Variants in USP34 observed in about 807,000 individuals in gnomAD.
The protein encoded by USP34 is ubiquitin carboxyl-terminal hydrolase 34.
USP34 carries 70 observed loss-of-function variants against 460.3 expected under a neutral mutation model. That is an observed-to-expected ratio of 0.15 (90% CI 0.13 to 0.19). USP34 has a LOEUF of 0.19. USP34 is among the 10% of genes least tolerant of loss of function. The pLI, the probability that USP34 is intolerant of heterozygous loss-of-function variation, is 1.00. For synonymous variants in USP34, 1,647 were observed against 1,405.3 expected (o/e 1.17, Z -3.85); for missense variants, 3,985 against 4,236.2 (o/e 0.94, Z 1.65).
At chr2:61,212,072 A>C in intron 68 of USP34, 143 bp from the exon 69 acceptor site, 1 of 1,151,502 alleles carries the variant, frequency 8.7e-7, no homozygotes, top group East Asian at 3.1e-5. Flanking sequence ...TTATAAAATC[A>C]GTAACAAATT....
chr2:61,375,088 T>C (rs1692752118), intron 8 of USP34, among the ~76,000 whole-genome samples: 1 of 151,996 alleles, frequency 6.6e-6, no homozygotes, highest in Admixed American at 6.6e-5. Context: ...AAGAATCCAA[T>C]TAAAAACTGG....
At chr2:61,325,313 G>T in intron 21 of USP34, 62 bp downstream of exon 21, 45 of 1,074,840 alleles carry the variant, frequency 4.2e-5, no homozygotes, top group Non-Finnish European at 5.9e-5. Flanking sequence ...AGAAGCAAAA[G>T]TAAATTTAGT....
chr2:61,469,250 A>G (rs937991906), intron 1 of USP34, among the ~76,000 whole-genome samples: 1 of 152,180 alleles, frequency 6.6e-6, no homozygotes, highest in African/African-American at 2.4e-5. Flanking sequence ...AAAATTAAGT[A>G]CTTGTTCCTC....
At chr2:61,395,348 T>G (rs1007390933) in intron 3 of USP34, 115 bp from the exon 4 acceptor site, 1 of 689,004 alleles carries the variant, frequency 1.5e-6, no homozygotes, top group African/African-American at 1.8e-5. Context: ...ATTTTGCAAT[T>G]ACTCCTGATA....
At chr2:61,295,357 A>G (rs1689992699) in intron 30 of USP34, 67 bp from the exon 31 acceptor site, 7 of 1,485,470 alleles carry the variant, frequency 4.7e-6, no homozygotes, top group Non-Finnish European at 6.3e-6. Context: ...AAAACTTTAA[A>G]CAAACTGACA....
intron 34 of USP34, among the ~76,000 whole-genome samples, chr2:61,286,845 C>T (rs148342140): frequency 2.6e-5 from 4 of 152,058 alleles, no homozygotes; most frequent in African/African-American, 4.8e-5. Context: ...CATAAACGTG[C>T]GTATTTTACA....
intron 19 of USP34, among the ~76,000 whole-genome samples, chr2:61,331,876 C>T (rs1188940405): frequency 6.6e-6 from 1 of 151,912 alleles, no homozygotes; most frequent in Non-Finnish European, 1.5e-5. Context: ...CATATACATT[C>T]AGAGATCCCA....
At chr2:61,468,585 G>C (rs140069885) in intron 1 of USP34, among the ~76,000 whole-genome samples, 8 of 152,308 alleles carry the variant, frequency 5.3e-5, no homozygotes, top group Non-Finnish European at 7.4e-5. Context: ...AGTATTTTTA[G>C]AGTCCACTGG....
chr2:61,212,414 A>T (rs1687295446), intron 68 of USP34, among the ~76,000 whole-genome samples: 1 of 152,220 alleles, frequency 6.6e-6, no homozygotes, highest in Non-Finnish European at 1.5e-5. Context: ...AATTAATGAG[A>T]AATCATTACT....
At chr2:61,236,296 A>T in intron 54 of USP34, 29 bp downstream of exon 54, 1 of 1,593,434 alleles carries the variant, frequency 6.3e-7, no homozygotes, top group South Asian at 1.1e-5. Context: ...AATGTGTAAA[A>T]TATCTACTAT....
intron 21 of USP34, among the ~76,000 whole-genome samples, chr2:61,320,682 T>C (rs536756994): frequency 2.0e-5 from 3 of 151,592 alleles, no homozygotes; most frequent in Admixed American, 6.6e-5. Flanking sequence ...CTGGGCAATA[T>C]AGGAAGACAT....
Position 61,395,217 on chromosome 2 carries a change from T to C in USP34, c.569A>G (p.Glu190Gly). 6.7e-7 allele frequency: 1 copy of C among 1,495,770 alleles called. No individual in the cohort carries two copies. The highest frequency in any genetic ancestry group is 1.2e-5 in the South Asian group (1 of 82,994). The allele number at this position is 1,495,770 out of a possible 1,614,324, so 92.7% of individuals were successfully genotyped here. A position where few individuals can be genotyped will look rare whatever the true frequency, so the allele number is the denominator to read the frequency against. Reference protein sequence around the residue: ...HPTIEDISTQESNILGAFCDM... With the variant: ...HPTIEDISTQGSNILGAFCDM... ...ACAGAATGCCCCTAATATGTTACTTTCTTGAGTTGATATATCCTAATTAAA... is the reference window on the plus strand; with the variant it reads ...ACAGAATGCCCCTAATATGTTACTTCCTTGAGTTGATATATCCTAATTAAA... Residue 190 changes from glutamate to glycine, a missense_variant, in exon 4 of 80, where the codon GAA (glutamate) becomes GGA (glycine). Around this residue, in one of 14 missense-constraint regions of USP34, gnomAD observed 331 missense variants for 293.7 expected, o/e 1.13. Coordinates refer to ENST00000398571, the MANE Select transcript of USP34 (RefSeq NM_014709.4).
At position 61,188,924 on chromosome 2, in the gene USP34, T is replaced by C; in HGVS notation, c.10019A>G (p.Glu3340Gly). The C allele has an allele frequency of 6.2e-7, 1 of 1,614,214 alleles. No homozygotes were observed. The highest frequency in any genetic ancestry group is 2.2e-5 in the East Asian group (1 of 44,886). Residue 3340 changes from glutamate (E) to glycine (G), a missense_variant, in exon 79 of 80, where the codon GAA becomes GGA. Glu to Gly is a moderately conservative substitution (Grantham distance 98). Around this residue, in one of 14 missense-constraint regions of USP34, gnomAD observed 506 missense variants for 439.0 expected, o/e 1.15. Coordinates refer to ENST00000398571, the MANE Select transcript of USP34 (RefSeq NM_014709.4). ...ATAAAGCTAACCTTTAGTTTTTCTTTCTTTGGCTTCTTGCTCTTGGAGTGA... is the reference window on the plus strand; with the variant it reads ...ATAAAGCTAACCTTTAGTTTTTCTTCCTTTGGCTTCTTGCTCTTGGAGTGA... ...RNSLQEQEAK[E>G]RKTKDDEGAT...
intron 5 of USP34, among the ~76,000 whole-genome samples, chr2:61,387,618 A>G (rs1219687199): frequency 6.8e-6 from 1 of 147,470 alleles, no homozygotes; most frequent in Non-Finnish European, 1.5e-5. Context: ...TATAAAATAT[A>G]TATTTTTACA....
intron 59 of USP34, 69 bp from the exon 60 acceptor site, chr2:61,229,064 C>T (rs1190287097): frequency 8.2e-7 from 1 of 1,223,582 alleles, no homozygotes; most frequent in East Asian, 2.5e-5. Context: ...AGAAAAAGTA[C>T]TTTTTAAACT....
Position 61,385,408 on chromosome 2 carries a change from G to A in USP34, c.754-2072C>T, listed in dbSNP as rs12466069. On this transcript the variant is annotated intron_variant, in intron 5 of 79. Transcript: ENST00000398571. ...AAGAAATACGACAAGGAGGCCAGGC[G>A]CGGTGGCTCACATCTCACTTTGGGA... Among the ~76,000 whole-genome samples, 1,226 of 152,118 alleles carry A rather than the reference G, an allele frequency of 8.1e-3. 31 individuals are homozygous for A. The highest frequency in any genetic ancestry group is 0.04 in the Admixed American group (608 of 15,272).
At chr2:61,237,305 C>G (rs918393664) in intron 53 of USP34, among the ~76,000 whole-genome samples, 7 of 152,006 alleles carry the variant, frequency 4.6e-5, no homozygotes, top group Non-Finnish European at 8.8e-5. Context: ...AATAAGGGAG[C>G]CCCATTCTAA....
intron 1 of USP34, among the ~76,000 whole-genome samples, chr2:61,450,519 T>TG (rs1322657844): frequency 4.6e-5 from 7 of 152,074 alleles, no homozygotes; most frequent in Non-Finnish European, 8.8e-5. Context: ...TTATAAAGTA[T>TG]GGGAGGCTGA....
At chr2:61,287,457 CT>C (rs1689723634) in intron 34 of USP34, among the ~76,000 whole-genome samples, 1 of 152,162 alleles carries the variant, frequency 6.6e-6, no homozygotes. Context: ...ACAGTTGACC[CT>C]TGAACAACAC....
Sources: gnomAD v4.1 joint callset for allele counts (sites outside exome capture counted in the v4.1 genomes callset) on GRCh38, gnomAD v4.1.1 for gene constraint, gnomAD v4.1.1 regional missense constraint, MANE v1.5 for transcripts, NCBI Gene and HGNC (gene_info 2026-07-23, HGNC 2026-07-21) for gene names.